The following MRGPRX3 variants were observed in gnomAD, a reference collection of about 807,000 sequenced individuals.
MRGPRX3 encodes the protein MAS related GPR family member X3, also known as mas-related G protein-coupled receptor member X3.
A neutral mutation model predicts 16.5 loss-of-function variants in MRGPRX3; 14 were observed. The ratio of observed to expected loss-of-function variants is 0.85; its 90% CI spans 0.56 to 1.33. The LOEUF is 1.33. MRGPRX3 is among the 40% of genes most tolerant of loss of function. MRGPRX3 has a pLI of 0.00. For synonymous variants in MRGPRX3, 199 were observed against 180.1 expected, an observed-to-expected ratio of 1.10 and a Z score of -0.84; for missense variants, 449 against 413.0, an observed-to-expected ratio of 1.09 and a Z score of -0.76.
chr11:18,134,436 A>T (rs1466515121), intron 1 of MRGPRX3, among the ~76,000 whole-genome samples: 1 of 152,242 alleles, frequency 6.6e-6, no homozygotes, highest in Admixed American at 6.5e-5. Flanking sequence ...ACAAGAACTT[A>T]TATAGCATTT....
chr11:18,133,026 G>A (rs1221207558), intron 1 of MRGPRX3, among the ~76,000 whole-genome samples: 2 of 152,170 alleles, frequency 1.3e-5, no homozygotes, highest in Non-Finnish European at 2.9e-5. Context: ...CATTTAACGA[G>A]CAAGGGGACA....
At chr11:18,131,110 A>C (rs1020527280), upstream of MRGPRX3, among the ~76,000 whole-genome samples, 1 of 152,198 alleles carries the variant, frequency 6.6e-6, no homozygotes, top group African/African-American at 2.4e-5. Context: ...AAATGCTTCT[A>C]GACATTCACT....
chr11:18,135,024 TC>T (rs955769126), intron 1 of MRGPRX3, among the ~76,000 whole-genome samples: 6 of 152,134 alleles, frequency 3.9e-5, no homozygotes, highest in African/African-American at 9.7e-5. Context: ...CAGGAACTCC[TC>T]AGAAATAATA....
chr11:18,137,461 CTCA>C lies in MRGPRX3; in HGVS notation c.263_265del (p.Ile88del), dbSNP rs1849020657. 6.2e-7 allele frequency: 1 copy of C among 1,614,074 alleles called. No homozygotes were observed. Among genetic ancestry groups the C allele is most frequent in the East Asian group, 2.2e-5 (1 of 44,888 alleles). ...CCACATTATATGTTCGCCGTTACGC[CTCA>C]TCAATATCCGCCATCCCATCTCCAA... On this transcript the variant is annotated inframe_deletion, in exon 2 of 2. Coordinates refer to ENST00000621697, the MANE Select transcript of MRGPRX3 (RefSeq NM_001370464.1).
rs544663085 is a variant in MRGPRX3 at position 18,124,502 on chromosome 11, G to A, written c.-152+3338G>A. Among the ~76,000 whole-genome samples, 426 of 152,258 alleles carry A rather than the reference G, an allele frequency of 2.8e-3. 10 individuals carry two copies. Among genetic ancestry groups the A allele is most frequent in the Admixed American group, 0.022 (343 of 15,272 alleles). On this transcript the variant is annotated intron_variant, in intron 1 of 2. Coordinates refer to the MRGPRX3 transcript ENST00000396275. ...TGCTGGATTATGTTTATTGATTTGC[G>A]TGTGTTGAACCAGCCTTGCATCCCA...
chr11:18,127,418 T>C (rs1200346843), intron 1 of MRGPRX3, among the ~76,000 whole-genome samples: 1 of 152,270 alleles, frequency 6.6e-6, no homozygotes, highest in East Asian at 1.9e-4. Context: ...CAATCAGACG[T>C]AGATTTGGTC....
At chr11:18,136,085 A>T (rs1849005257) in intron 1 of MRGPRX3, among the ~76,000 whole-genome samples, 1 of 151,956 alleles carries the variant, frequency 6.6e-6, no homozygotes, top group Non-Finnish European at 1.5e-5. Flanking sequence ...TCCTATTTCC[A>T]CTCATGGACT....
At chr11:18,131,915 G>A (rs1057478790), upstream of MRGPRX3, among the ~76,000 whole-genome samples, 4 of 152,056 alleles carry the variant, frequency 2.6e-5, no homozygotes, top group African/African-American at 9.7e-5. Context: ...GGGAAGGATG[G>A]AAGAGAGGCG....
chr11:18,137,270 G>A lies in MRGPRX3; in HGVS notation c.68G>A (p.Cys23Tyr). Residue 23 changes from cysteine (C) to tyrosine (Y), a missense_variant, in exon 2 of 2, where the codon TGC becomes TAC. By Grantham distance (194) the Cys-to-Tyr change is radical. Transcript: ENST00000621697. ...TPINGREETP[C>Y]YKQTLSFTGL... Reference sequence around the variant, plus strand: ...ATCAACGGACGTGAGGAGACTCCTTGCTACAAGCAGACCCTGAGCTTCACG... The same window carrying A: ...ATCAACGGACGTGAGGAGACTCCTTACTACAAGCAGACCCTGAGCTTCACG... 1 of 1,614,080 alleles carries A rather than the reference G, an allele frequency of 6.2e-7. No homozygotes were observed. Among genetic ancestry groups the A allele is most frequent in the Non-Finnish European group, 8.5e-7 (1 of 1,179,990 alleles).
chr11:18,130,920 A>G (rs1358111905), upstream of MRGPRX3, among the ~76,000 whole-genome samples: 1 of 152,204 alleles, frequency 6.6e-6, no homozygotes, highest in Non-Finnish European at 1.5e-5. Flanking sequence ...GCAAACAAAA[A>G]CATAAAGTGG....
intron 1 of MRGPRX3, among the ~76,000 whole-genome samples, chr11:18,134,136 G>A (rs1848986627): frequency 1.3e-5 from 2 of 152,122 alleles, no homozygotes; most frequent in South Asian, 4.1e-4. Context: ...CTTTTATGCA[G>A]AAATGTTTGC....
Position 18,138,096 on chromosome 11 carries a change from G to T in MRGPRX3, c.894G>T (p.Thr298=). The T allele has an allele frequency of 1.9e-6, 3 of 1,614,184 alleles. No homozygotes were observed. The highest frequency in any genetic ancestry group is 2.5e-6 in the Non-Finnish European group (3 of 1,180,040). ...TTCTCCAGAGGGCTCTGCAGGACACGCCTGAGGTGGATGAAGGTGGAGGGT... is the reference window on the plus strand; with the variant it reads ...TTCTCCAGAGGGCTCTGCAGGACACTCCTGAGGTGGATGAAGGTGGAGGGT... ...KLVLQRALQD[T]PEVDEGGGWL... is the part of the protein sequence containing the mutation. Residue 298 remains threonine (T), a synonymous_variant, in exon 2 of 2, where the codon ACG becomes ACT. Coordinates refer to ENST00000621697, the MANE Select transcript of MRGPRX3 (RefSeq NM_001370464.1).
intron 1 of MRGPRX3, among the ~76,000 whole-genome samples, chr11:18,121,782 A>G (rs1848839598): frequency 6.6e-6 from 1 of 152,178 alleles, no homozygotes; most frequent in Middle Eastern, 3.2e-3. Context: ...GTGCTTTGTT[A>G]AACAGACGCT....
chr11:18,127,559 G>A (rs540137177), intron 1 of MRGPRX3, among the ~76,000 whole-genome samples: 515 of 152,178 alleles, frequency 3.4e-3, no homozygotes, highest in African/African-American at 9.0e-3. Flanking sequence ...CCAGTTGATC[G>A]AATCAGCTAC....
chr11:18,136,366 G>A (rs563059917), intron 1 of MRGPRX3, among the ~76,000 whole-genome samples: 2 of 152,248 alleles, frequency 1.3e-5, no homozygotes, highest in Non-Finnish European at 2.9e-5. Context: ...AAGCCACACT[G>A]AGTCCTTATT....
rs116970690 is a variant in MRGPRX3 at position 18,132,732 on chromosome 11, C to A, written c.-33C>A. 6.6e-6 allele frequency: 1 copy of A among 152,192 alleles called. No homozygotes were observed. The highest frequency in any genetic ancestry group is 2.4e-5 in the African/African-American group (1 of 41,430). 9.4% of individuals were successfully genotyped at this position (152,192 alleles called of 1,614,324 possible). On this transcript the variant is annotated 5_prime_UTR_variant, in exon 1 of 2. Coordinates refer to ENST00000621697, the MANE Select transcript of MRGPRX3 (RefSeq NM_001370464.1). ...TCTTCACCACTGGACAAAGAAGGAA[C>A]GATAAGGGTAAGTACCAAGAACTCT...
At chr11:18,121,953 C>T (rs1479897988) in intron 1 of MRGPRX3, among the ~76,000 whole-genome samples, 1 of 150,674 alleles carries the variant, frequency 6.6e-6, no homozygotes, top group Non-Finnish European at 1.5e-5. Context: ...GTCCTATGAC[C>T]CTGCCAAATC....
intron 1 of MRGPRX3, among the ~76,000 whole-genome samples, chr11:18,122,042 A>G (rs1361547803): frequency 6.6e-6 from 1 of 151,764 alleles, no homozygotes; most frequent in East Asian, 1.9e-4. Flanking sequence ...AAAAAAAAGA[A>G]AAATCTTTCA....
chr11:18,124,864 G>C (rs1244277863), intron 1 of MRGPRX3, among the ~76,000 whole-genome samples: 2 of 152,156 alleles, frequency 1.3e-5, no homozygotes, highest in East Asian at 3.8e-4. Context: ...CTCAATTTCA[G>C]AGCCTGTTAC....
Sources: allele counts gnomAD v4.1 joint callset (sites outside exome capture counted in the v4.1 genomes callset), GRCh38; gene constraint gnomAD v4.1.1; transcripts MANE v1.5; gene names NCBI Gene and HGNC (gene_info 2026-07-23, HGNC 2026-07-21).